The following ESYT2 variants were observed in gnomAD, a reference collection of about 807,000 sequenced individuals.
ESYT2 encodes the protein extended synaptotagmin 2.
In ESYT2, 54 loss-of-function variants were observed where a neutral mutation model predicts 107.2. The ratio of observed to expected loss-of-function variants is 0.50; its 90% CI spans 0.40 to 0.63. The LOEUF is 0.63. ESYT2 is among the 30% of genes least tolerant of loss of function. The pLI, the probability that ESYT2 is intolerant of heterozygous loss-of-function variation, is 0.00. For missense variants in ESYT2, 1,020 were observed against 1,094.5 expected, an observed-to-expected ratio of 0.93 and a Z score of 0.96; for synonymous variants, 491 against 434.1, an observed-to-expected ratio of 1.13 and a Z score of -1.63.
At chr7:158,824,428 A>G (rs1357713539) in intron 1 of ESYT2, among the ~76,000 whole-genome samples, 1 of 152,258 alleles carries the variant, frequency 6.6e-6, no homozygotes, top group Non-Finnish European at 1.5e-5. Context: ...GAGAATAAAA[A>G]AATATTTGCC....
At position 158,775,497 on chromosome 7, in the gene ESYT2, G is replaced by A. The variant is rs113574103; in HGVS notation, c.748-2101C>T. Among the ~76,000 whole-genome samples, 738 of 152,268 alleles carry A rather than the reference G, an allele frequency of 4.8e-3. 3 individuals carry two copies. The highest frequency in any genetic ancestry group is 0.017 in the African/African-American group (710 of 41,546). ...TATGTGATATTCTAAATCGCTTATTGTCATTTCAACAATGTTTGCAGCATC... is the reference window on the plus strand; with the variant it reads ...TATGTGATATTCTAAATCGCTTATTATCATTTCAACAATGTTTGCAGCATC... On this transcript the variant is annotated intron_variant, in intron 6 of 22. Coordinates refer to ENST00000275418, the MANE Select transcript of ESYT2 (RefSeq NM_001367773.1).
chr7:158,778,192 T>C (rs1838639295), intron 6 of ESYT2, among the ~76,000 whole-genome samples: 1 of 152,188 alleles, frequency 6.6e-6, no homozygotes, highest in African/African-American at 2.4e-5. Context: ...ACAACTCTCT[T>C]AAGAGCATTT....
intron 6 of ESYT2, among the ~76,000 whole-genome samples, chr7:158,782,769 T>C (rs1838956927): frequency 8.6e-6 from 1 of 116,228 alleles, no homozygotes; most frequent in African/African-American, 3.7e-5. Flanking sequence ...AGTGTGAAAA[T>C]GTGTGTCCAT....
chr7:158,824,322 T>C (rs943092817), intron 1 of ESYT2, among the ~76,000 whole-genome samples: 2 of 152,236 alleles, frequency 1.3e-5, no homozygotes, highest in African/African-American at 2.4e-5. Context: ...TTGTTTAAAA[T>C]AGCTAAATTG....
At chr7:158,793,355 C>T (rs1839366807) in intron 4 of ESYT2, among the ~76,000 whole-genome samples, 1 of 152,110 alleles carries the variant, frequency 6.6e-6, no homozygotes, top group Non-Finnish European at 1.5e-5. Context: ...ATTCAGTTTG[C>T]TAGTATTTTG....
intron 9 of ESYT2, among the ~76,000 whole-genome samples, chr7:158,764,234 A>G (rs1838073865): frequency 6.6e-6 from 1 of 152,188 alleles, no homozygotes. Flanking sequence ...AAACAGATGA[A>G]GGCGTCTATT....
chr7:158,752,817 A>T lies in ESYT2; in HGVS notation c.1446T>A (p.Asp482Glu). Residue 482 changes from aspartate to glutamate, a missense_variant, in exon 14 of 23, where the codon GAT (aspartate) becomes GAA (glutamate). Asp to Glu is a conservative substitution (Grantham distance 45). Coordinates refer to ENST00000275418, the MANE Select transcript of ESYT2 (RefSeq NM_001367773.1). ...LPSNPLEFNPDVLKKTAVQRA... is the reference protein window; with the variant it reads ...LPSNPLEFNPEVLKKTAVQRA... ...TCTGAACTGCAGTCTTCTTCAAGAC[A>T]TCGGGGTTAAATTCTAATGGGTTAC... 3 of 1,304,302 alleles carry T rather than the reference A, an allele frequency of 2.3e-6. No homozygotes were observed. The highest frequency in any genetic ancestry group is 3.0e-6 in the Non-Finnish European group (3 of 989,008). The allele number at this position is 1,304,302 out of a possible 1,614,324, so 80.8% of individuals were successfully genotyped here.
intron 16 of ESYT2, among the ~76,000 whole-genome samples, chr7:158,745,182 G>C (rs548524475): frequency 2.9e-4 from 44 of 149,900 alleles, no homozygotes; most frequent in African/African-American, 1.0e-3. Flanking sequence ...AGGTCTCCTA[G>C]GCCCGGCTGT....
At chr7:158,790,101 A>T (rs986231641) in intron 4 of ESYT2, among the ~76,000 whole-genome samples, 1 of 152,150 alleles carries the variant, frequency 6.6e-6, no homozygotes, top group Non-Finnish European at 1.5e-5. Context: ...CCCGAGACAT[A>T]CGTGGGCCTC....
chr7:158,736,954 T>C, intron 20 of ESYT2, 94 bp downstream of exon 20: 1 of 1,518,338 alleles, frequency 6.6e-7, no homozygotes. Context: ...ACAGCTGATT[T>C]ATGTGCTTTG....
intron 3 of ESYT2, 94 bp downstream of exon 3, chr7:158,797,848 C>T (rs544067528): frequency 1.4e-5 from 21 of 1,454,132 alleles, no homozygotes; most frequent in African/African-American, 1.2e-4. Context: ...AGCGAGACTC[C>T]GTCTCAAGAA....
intron 18 of ESYT2, among the ~76,000 whole-genome samples, chr7:158,740,830 C>T (rs747428378): frequency 1.3e-5 from 2 of 152,270 alleles, no homozygotes; most frequent in Admixed American, 1.3e-4. Flanking sequence ...CTTTTTCTAA[C>T]AGCTCAGAAG....
At position 158,739,072 on chromosome 7, in the gene ESYT2, G is replaced by A. The variant is rs759178665; in HGVS notation, c.2218C>T (p.Arg740Trp). 14 of 1,613,976 alleles carry A rather than the reference G, an allele frequency of 8.7e-6. No individual in the cohort carries two copies. The highest frequency in any genetic ancestry group is 2.7e-5 in the African/African-American group (2 of 74,914). The part of the protein sequence containing the change: ...SPLGQIQLTI[R>W]HSSQRNKLIV... ...AGCTTGTTTCTCTGCGAGCTGTGCC[G>A]GATGGTCAGCTGGATCTGCCCCAGT... Residue 740 changes from arginine (R) to tryptophan (W), a missense_variant, in exon 19 of 23, where the codon CGG (arginine) becomes TGG (tryptophan). By Grantham distance (101) the Arg-to-Trp change is moderately radical. Transcript: ENST00000275418.
chr7:158,774,745 G>A (rs985783429), intron 6 of ESYT2, among the ~76,000 whole-genome samples: 1 of 152,176 alleles, frequency 6.6e-6, no homozygotes, highest in Non-Finnish European at 1.5e-5. Context: ...CAGGAAGTAA[G>A]AACATATCAA....
At position 158,748,313 on chromosome 7, in the gene ESYT2, A is replaced by G. The variant is rs374336801; in HGVS notation, c.1558-33T>C. 10 of 1,548,200 alleles carry G rather than the reference A, an allele frequency of 6.5e-6. No homozygotes were observed. The African/African-American group carries it at 1.2e-4, about 19-fold the overall frequency. On this transcript the variant is annotated intron_variant, in intron 15 of 22. Coordinates refer to ENST00000275418, the MANE Select transcript of ESYT2 (RefSeq NM_001367773.1). Reference sequence around the variant, plus strand: ...AAATATCCAAATTATTAGCTCTGATATTTTCTGTGGAAAAGGGCTACTCAT... The same window carrying G: ...AAATATCCAAATTATTAGCTCTGATGTTTTCTGTGGAAAAGGGCTACTCAT...
intron 15 of ESYT2, among the ~76,000 whole-genome samples, chr7:158,749,314 T>TCACCGTATTGGCCA (rs1276570155): frequency 1.3e-5 from 2 of 152,142 alleles, no homozygotes; most frequent in Admixed American, 6.5e-5. Flanking sequence ...AGATGAGGTT[T>TCACCGTATTGGCCA]CACCGTATTG....
rs562030519 is a variant in ESYT2, at chr7:158,809,483, A to AC, written c.331-10412_331-10411insG. 9.1e-3 allele frequency among the ~76,000 whole-genome samples: 1,366 copies of AC among 149,788 alleles called. 28 individuals carry two copies. Among genetic ancestry groups the AC allele is most frequent in the Middle Eastern group, 0.031 (9 of 292 alleles). On this transcript the variant is annotated intron_variant, in intron 1 of 22. Transcript: ENST00000275418. Reference sequence around the variant, plus strand: ...GAGTAAGAATCCATCTCAAAAAAAAAAAAAAAAAAAAAAACCAGGGGGGAT... The same window carrying AC: ...GAGTAAGAATCCATCTCAAAAAAAAACAAAAAAAAAAAAAACCAGGGGGGAT...
intron 11 of ESYT2, among the ~76,000 whole-genome samples, 193 bp from the exon 12 acceptor site, chr7:158,760,340 G>A (rs569976677): frequency 6.6e-5 from 10 of 152,328 alleles, no homozygotes; most frequent in African/African-American, 2.4e-4. Flanking sequence ...GTTTGGAGGC[G>A]ATGGCAGCAA....
intron 19 of ESYT2, among the ~76,000 whole-genome samples, chr7:158,738,330 C>A (rs552018302): frequency 0.073 from 3,917 of 53,654 alleles, 191 homozygotes; most frequent in East Asian, 0.4. Flanking sequence ...AAAAAAAATA[C>A]ACACACACAC....
Sources: gnomAD v4.1 joint callset for allele counts (sites outside exome capture counted in the v4.1 genomes callset) on GRCh38, gnomAD v4.1.1 for gene constraint, MANE v1.5 for transcripts, NCBI Gene and HGNC (gene_info 2026-07-23, HGNC 2026-07-21) for gene names.